The following MYO18A variants were observed in gnomAD, a reference collection of about 807,000 sequenced individuals.
The protein encoded by MYO18A is myosin XVIIIA.
In MYO18A, 78 loss-of-function variants were observed where a neutral mutation model predicts 235.8. That is an observed-to-expected ratio of 0.33 (90% CI 0.28 to 0.40). The LOEUF (loss-of-function observed/expected upper bound fraction) is 0.40, where lower values mean the gene tolerates loss of function less well. Among genes scored for constraint, MYO18A ranks in the 10% least tolerant of loss-of-function variants. The pLI, the probability that MYO18A is intolerant of heterozygous loss-of-function variation, is 1.00. For synonymous variants in MYO18A, 977 were observed against 1,077.8 expected (o/e 0.91, Z 1.83); for missense variants, 2,215 against 2,699.3 (o/e 0.82, Z 3.98).
chr17:29,093,142 T>C, intron 32 of MYO18A, 141 bp from the exon 33 acceptor site: 1 of 1,276,952 alleles, frequency 7.8e-7, no homozygotes, highest in Non-Finnish European at 1.1e-6. Flanking sequence ...CAACCAGCGA[T>C]AAAGGGCTGG....
At chr17:29,155,922 G>A (rs2068057155) in intron 2 of MYO18A, among the ~76,000 whole-genome samples, 1 of 152,210 alleles carries the variant, frequency 6.6e-6, no homozygotes, top group African/African-American at 2.4e-5. Context: ...GTAGGGACAT[G>A]CTAAGGTCCT....
intron 1 of MYO18A, among the ~76,000 whole-genome samples, chr17:29,167,743 G>T (rs1026717473): frequency 6.6e-6 from 1 of 150,940 alleles, no homozygotes; most frequent in Non-Finnish European, 1.5e-5. Flanking sequence ...AAAGAAAAGG[G>T]ACTCAATGCA....
Position 29,106,498 on chromosome 17 carries a change from G to A in MYO18A, c.3441+582C>T, listed in dbSNP as rs1012167542. On this transcript the variant is annotated intron_variant, in intron 20 of 41. Transcript: ENST00000527372. The surrounding 1 kb of genome is among the most constrained non-coding windows in gnomAD (Gnocchi z 4.6). ...GAATCAGGCTGGATGCCTGAGGCCC[G>A]AGCACAGTAAAGGAGGGGTCCTCTG... Among the ~76,000 whole-genome samples, 14 of 152,300 alleles carry A rather than the reference G, an allele frequency of 9.2e-5. No homozygotes were observed. The highest frequency in any genetic ancestry group is 4.1e-4 in the South Asian group (2 of 4,826).
At chr17:29,132,219 G>A (rs797010041) in intron 2 of MYO18A, among the ~76,000 whole-genome samples, 6 of 152,202 alleles carry the variant, frequency 3.9e-5, no homozygotes, top group African/African-American at 9.7e-5. Context: ...GAGTGGAGTC[G>A]TGGAAACAGC....
At chr17:29,170,814 A>G (rs1169483845) in intron 1 of MYO18A, among the ~76,000 whole-genome samples, 1 of 152,216 alleles carries the variant, frequency 6.6e-6, no homozygotes, top group Non-Finnish European at 1.5e-5. Flanking sequence ...TCAACCTCAA[A>G]TATACATCTA....
intron 2 of MYO18A, chr17:29,128,434 G>A: frequency 7.8e-7 from 1 of 1,289,486 alleles, no homozygotes; most frequent in South Asian, 1.2e-5. Context: ...CGTTCATGGC[G>A]AGTGTGGGTG....
At position 29,120,860 on chromosome 17, in the gene MYO18A, C is replaced by G; in HGVS notation, c.1586-102G>C. 6.4e-7 allele frequency: 1 copy of G among 1,564,668 alleles called. No individual in the cohort carries two copies. Among genetic ancestry groups the G allele is most frequent in the South Asian group, 1.2e-5 (1 of 83,532 alleles). The stretch of plus-strand genomic sequence containing the variant: ...TATGAAGGCTTGGGGCCATTCAGAC[C>G]AGAACTGCCCGTGGACAGAGGGGTT... On this transcript the variant is annotated intron_variant, in intron 6 of 41. Transcript: ENST00000527372. This position sits in a 1 kb window ranked among gnomAD's most constrained non-coding sequence, Gnocchi z 4.2.
In MYO18A at chr17:29,136,250, A is replaced by ATATAT. The variant is rs1555536337; in HGVS notation, c.1000-13998_1000-13997insATATA. Reference sequence around the variant, plus strand: ...CATCTCAAAAGAAAAAAAAAAAAAAAATATATATATATATATATATATATG... The same window carrying ATATAT: ...CATCTCAAAAGAAAAAAAAAAAAAAATATATATATATATATATATATATATATATG... On this transcript the variant is annotated intron_variant, in intron 2 of 41. Coordinates refer to ENST00000527372, the MANE Select transcript of MYO18A (RefSeq NM_078471.4). Among the ~76,000 whole-genome samples the ATATAT allele has an allele frequency of 1.7e-3, 143 of 82,436 alleles. 1 individual carries two copies. The highest frequency in any genetic ancestry group is 3.9e-3 in the African/African-American group (84 of 21,768). The allele number at this position is 82,436 out of a possible 152,430, so 54.1% of individuals were successfully genotyped here.
intron 2 of MYO18A, among the ~76,000 whole-genome samples, chr17:29,148,830 C>G (rs2067904685): frequency 1.3e-5 from 2 of 152,172 alleles, no homozygotes; most frequent in African/African-American, 4.8e-5. Flanking sequence ...GGCGCATGCC[C>G]AGGGCCACCC....
At chr17:29,160,750 AC>A (rs1200489845) in intron 2 of MYO18A, among the ~76,000 whole-genome samples, 2 of 152,154 alleles carry the variant, frequency 1.3e-5, no homozygotes, top group African/African-American at 4.8e-5. Context: ...CTCATGAGGA[AC>A]CCGACAGCCT....
chr17:29,165,935 C>T lies in MYO18A; in HGVS notation c.999+7G>A. 6.2e-7 allele frequency: 1 copy of T among 1,608,040 alleles called. No individual in the cohort carries two copies. Among genetic ancestry groups the T allele is most frequent in the Non-Finnish European group, 8.5e-7 (1 of 1,176,404 alleles). On this transcript the variant is annotated splice_region_variant and intron_variant, in intron 2 of 41. Coordinates refer to ENST00000527372, the MANE Select transcript of MYO18A (RefSeq NM_078471.4). Reference sequence around the variant, plus strand: ...TGCTTAGCCCAGGTGCCCAGGGAAGCACTCACATCGGATGGCTCCCTGCGA... The same window carrying T: ...TGCTTAGCCCAGGTGCCCAGGGAAGTACTCACATCGGATGGCTCCCTGCGA...
chr17:29,098,081 T>C (rs1448344782), intron 25 of MYO18A, 24 bp downstream of exon 25: 1 of 1,610,824 alleles, frequency 6.2e-7, no homozygotes, highest in Non-Finnish European at 8.5e-7. Flanking sequence ...CAGCCTGCTG[T>C]TCTCACCCAG....
chr17:29,171,905 G>GAA (rs71762070), intron 1 of MYO18A, among the ~76,000 whole-genome samples: 5 of 103,316 alleles, frequency 4.8e-5, no homozygotes, highest in Admixed American at 1.9e-4. Context: ...AAGAAAGAAA[G>GAA]AAAAAAAAAA....
chr17:29,109,895 G>A lies in MYO18A; in HGVS notation c.3294C>T (p.Gly1098=), dbSNP rs780288124. The change falls in exon 19 of 42, where the codon GGC becomes GGT. Residue 1098 remains glycine (G), a synonymous_variant. Coordinates refer to ENST00000527372, the MANE Select transcript of MYO18A (RefSeq NM_078471.4). This position sits in a 1 kb window ranked among gnomAD's most constrained non-coding sequence, Gnocchi z 4.1. ...DVPLLRTQLR[G]SRLLDAMRMY... ...TGCGCATGGCATCGAGCAGGCGGGA[G>A]CCGCGGAGCTGGGTGCGGAGCAGGG... 1 of 1,572,816 alleles carries A rather than the reference G, an allele frequency of 6.4e-7. No homozygotes were observed. The highest frequency in any genetic ancestry group is 1.2e-5 in the South Asian group (1 of 85,938).
chr17:29,124,755 C>T (rs1286630104), intron 2 of MYO18A: 11 of 1,206,844 alleles, frequency 9.1e-6, no homozygotes, highest in Non-Finnish European at 1.2e-5. Context: ...TGGCACGCCC[C>T]CTTCAGCAAG....
At position 29,126,538 on chromosome 17, in the gene MYO18A, C is replaced by T. The variant is rs1190725112; in HGVS notation, c.1000-4285G>A. 1.3e-5 allele frequency among the ~76,000 whole-genome samples: 2 copies of T among 152,120 alleles called. No individual in the cohort carries two copies. Among genetic ancestry groups the T allele is most frequent in the East Asian group, 3.9e-4 (2 of 5,188 alleles). The stretch of plus-strand genomic sequence containing the variant: ...GCGGCTGGCTTTTCTCTAAGTGCTG[C>T]AATGCCCAGGAAGAATGGGGAGCAA... On this transcript the variant is annotated intron_variant, in intron 2 of 41. Coordinates refer to ENST00000527372, the MANE Select transcript of MYO18A (RefSeq NM_078471.4). This position sits in a 1 kb window ranked among gnomAD's most constrained non-coding sequence, Gnocchi z 4.1.
chr17:29,166,492 G>A lies in MYO18A; in HGVS notation c.449C>T (p.Ala150Val). 1 of 1,613,612 alleles carries A rather than the reference G, an allele frequency of 6.2e-7. No individual in the cohort carries two copies. Among genetic ancestry groups the A allele is most frequent in the Non-Finnish European group, 8.5e-7 (1 of 1,179,836 alleles). The stretch of plus-strand genomic sequence containing the variant: ...CTCTGAGGGCGTCGAGGTTTCTGAG[G>A]CGCTCTCATCCCGGCTACGCTGGGA... ...SFSQRSRDESASETSTPSEHS... is the reference protein window; with the variant it reads ...SFSQRSRDESVSETSTPSEHS... The change falls in exon 2 of 42, where the codon GCC becomes GTC. Residue 150 changes from alanine (A) to valine (V), a missense_variant. Transcript: ENST00000527372.
intron 1 of MYO18A, among the ~76,000 whole-genome samples, chr17:29,179,576 G>C (rs544934264): frequency 6.6e-6 from 1 of 152,268 alleles, no homozygotes; most frequent in Admixed American, 6.5e-5. Context: ...GGTCTCTCCA[G>C]AGGCCTGGGG....
chr17:29,154,412 AC>A (rs1175563451), intron 2 of MYO18A, among the ~76,000 whole-genome samples: 1 of 151,732 alleles, frequency 6.6e-6, no homozygotes, highest in South Asian at 2.1e-4. Flanking sequence ...TAAGCAAGAA[AC>A]CCCTTTTCTT....
Sources: allele counts gnomAD v4.1 joint callset (sites outside exome capture counted in the v4.1 genomes callset), GRCh38; gene constraint gnomAD v4.1.1; non-coding constraint Gnocchi (gnomAD v3.1); transcripts MANE v1.5; gene names NCBI Gene and HGNC (gene_info 2026-07-23, HGNC 2026-07-21).